RALGPS1: variants seen among roughly 807,000 people sequenced by gnomAD.
The protein encoded by RALGPS1 is Ral GEF with PH domain and SH3 binding motif 1, also known as ras-specific guanine nucleotide-releasing factor RalGPS1.
Under a neutral mutation model 78.8 loss-of-function variants are expected in RALGPS1, and 19 were observed. The ratio of observed to expected loss-of-function variants is 0.24; its 90% CI spans 0.17 to 0.35. The LOEUF (loss-of-function observed/expected upper bound fraction) is 0.35. Ranked by LOEUF, RALGPS1 falls within the 10% of genes least tolerant of loss-of-function variation. The pLI is 1.00. For synonymous variants in RALGPS1, 228 were observed against 256.3 expected (o/e 0.89, Z 1.06); for missense variants, 454 against 688.3 (o/e 0.66, Z 3.81).
chr9:127,136,473 C>A (rs921341612), intron 8 of RALGPS1, among the ~76,000 whole-genome samples: 1 of 152,226 alleles, frequency 6.6e-6, no homozygotes. Flanking sequence ...ACCACTCACT[C>A]GCTGCAGAAG....
intron 4 of RALGPS1, among the ~76,000 whole-genome samples, chr9:127,020,746 C>G (rs1305826802): frequency 6.6e-6 from 1 of 152,190 alleles, no homozygotes; most frequent in African/African-American, 2.4e-5. Flanking sequence ...GTGGGCATAG[C>G]TACCGGCCAT....
At chr9:126,945,587 A>G (rs1305838651) in intron 1 of RALGPS1, among the ~76,000 whole-genome samples, 1 of 152,144 alleles carries the variant, frequency 6.6e-6, no homozygotes, top group Non-Finnish European at 1.5e-5. Flanking sequence ...TCAAAACCCC[A>G]GCTTCAATCT....
intron 4 of RALGPS1, among the ~76,000 whole-genome samples, chr9:127,025,698 T>TG (rs1372146949): frequency 7.0e-6 from 1 of 142,274 alleles, no homozygotes; most frequent in Non-Finnish European, 1.6e-5. Flanking sequence ...TTTTCTTTCA[T>TG]TTTTTTTTTT....
At chr9:127,147,980 A>G (rs1306681593) in intron 8 of RALGPS1, among the ~76,000 whole-genome samples, 1 of 152,268 alleles carries the variant, frequency 6.6e-6, no homozygotes, top group Non-Finnish European at 1.5e-5. Context: ...CAAGTCCTTT[A>G]GAACTTACAG....
At position 127,091,625 on chromosome 9, in the gene RALGPS1, C is replaced by G. The variant is rs2052486054; in HGVS notation, c.610+22269C>G. The G allele has an allele frequency of 6.3e-7, 1 of 1,590,224 alleles. No homozygotes were observed. The highest frequency in any genetic ancestry group is 1.7e-5 in the Admixed American group (1 of 58,978). Reference sequence around the variant, plus strand: ...GTCAGGGGCTCTGGCTCTGGTTGACCTCTTTTCCCTACCCTGCACCTGGGT... The same window carrying G: ...GTCAGGGGCTCTGGCTCTGGTTGACGTCTTTTCCCTACCCTGCACCTGGGT... On this transcript the variant is annotated intron_variant, in intron 8 of 18. Transcript: ENST00000259351. This position sits in a 1 kb window ranked among gnomAD's most constrained non-coding sequence, Gnocchi z 4.3.
intron 8 of RALGPS1, among the ~76,000 whole-genome samples, chr9:127,139,850 T>C (rs2057649552): frequency 6.6e-6 from 1 of 152,254 alleles, no homozygotes; most frequent in African/African-American, 2.4e-5. Flanking sequence ...TTGAAGTCTA[T>C]TTTATTCATA....
intron 18 of RALGPS1, chr9:127,217,146 T>C: frequency 7.8e-7 from 1 of 1,287,612 alleles, no homozygotes; most frequent in Non-Finnish European, 9.8e-7. Flanking sequence ...AGCAGAGCAC[T>C]AATGGGTCAG....
chr9:127,215,406 C>T (rs955904468), intron 18 of RALGPS1, among the ~76,000 whole-genome samples: 15 of 152,248 alleles, frequency 9.9e-5, no homozygotes, highest in African/African-American at 7.2e-5. Context: ...CGCCCCCAGC[C>T]GTCCCACGAA....
intron 10 of RALGPS1, among the ~76,000 whole-genome samples, chr9:127,173,936 C>T (rs1391667014): frequency 6.6e-6 from 1 of 152,130 alleles, no homozygotes; most frequent in Non-Finnish European, 1.5e-5. Flanking sequence ...TCGCTTGAAC[C>T]TGGGAGGCAG....
intron 1 of RALGPS1, among the ~76,000 whole-genome samples, chr9:126,949,213 T>A (rs924786827): frequency 1.3e-5 from 2 of 152,228 alleles, no homozygotes; most frequent in African/African-American, 4.8e-5. Context: ...AGTCTATCAT[T>A]GTTGGACATT....
At position 127,197,961 on chromosome 9, in the gene RALGPS1, C is replaced by T. The variant is rs539708989; in HGVS notation, c.1196-1054C>T. On this transcript the variant is annotated intron_variant, in intron 13 of 18. Transcript: ENST00000259351. The stretch of plus-strand genomic sequence containing the variant: ...TGCCCTCTGGGAAATGCCGGCCCAA[C>T]AGCACTCAGCTGGGCGGCAAAACAG... Among the ~76,000 whole-genome samples the T allele has an allele frequency of 3.0e-3, 458 of 152,336 alleles. 3 individuals carry two copies. The highest frequency in any genetic ancestry group is 4.8e-3 in the Non-Finnish European group (326 of 68,038).
chr9:127,110,634 G>A (rs2054706864), intron 8 of RALGPS1, among the ~76,000 whole-genome samples: 2 of 152,120 alleles, frequency 1.3e-5, no homozygotes, highest in Non-Finnish European at 2.9e-5. Flanking sequence ...AAATGAACTC[G>A]TTTTTCCCCG....
At chr9:126,999,834 A>G (rs1223450358) in intron 4 of RALGPS1, among the ~76,000 whole-genome samples, 2 of 152,246 alleles carry the variant, frequency 1.3e-5, no homozygotes, top group South Asian at 4.1e-4. Context: ...CATTTGGGTA[A>G]ATACCAATGA....
At chr9:126,936,564 G>A (rs995181311) in intron 1 of RALGPS1, among the ~76,000 whole-genome samples, 1 of 152,064 alleles carries the variant, frequency 6.6e-6, no homozygotes, top group African/African-American at 2.4e-5. Context: ...AGAGAATTAG[G>A]CTGTCTTTGG....
chr9:126,962,840 G>A (rs1588672391), intron 2 of RALGPS1, among the ~76,000 whole-genome samples: 2 of 152,334 alleles, frequency 1.3e-5, no homozygotes, highest in African/African-American at 2.4e-5. Flanking sequence ...TGGCACAGAA[G>A]CATGCAGGAG....
chr9:127,013,630 T>TC (rs1379321291), intron 4 of RALGPS1, among the ~76,000 whole-genome samples: 10 of 152,096 alleles, frequency 6.6e-5, no homozygotes, highest in Non-Finnish European at 1.2e-4. Flanking sequence ...CCCATCCCAC[T>TC]CCGTTGCCCA....
intron 1 of RALGPS1, among the ~76,000 whole-genome samples, chr9:126,920,230 A>G (rs776472941): frequency 6.6e-6 from 1 of 152,120 alleles, no homozygotes; most frequent in Non-Finnish European, 1.5e-5. Flanking sequence ...ATTCTTATTT[A>G]TACGTCACCA....
chr9:127,024,892 G>C (rs1273403391), intron 4 of RALGPS1, among the ~76,000 whole-genome samples: 1 of 152,048 alleles, frequency 6.6e-6, no homozygotes, highest in African/African-American at 2.4e-5. Flanking sequence ...TCTATGGTTG[G>C]ACTCTTTCCT....
At position 126,966,063 on chromosome 9, in the gene RALGPS1, G is replaced by T. The variant is rs1415059432; in HGVS notation, c.165+112G>T. 1.8e-5 allele frequency: 13 copies of T among 732,570 alleles called. No individual in the cohort carries two copies. The East Asian group carries it at 3.0e-4, about 17-fold the overall frequency. 45.4% of individuals were successfully genotyped at this position (732,570 alleles called of 1,614,324 possible). On this transcript the variant is annotated intron_variant, in intron 3 of 18. Transcript: ENST00000259351. Reference sequence around the variant, plus strand: ...GAAACATTCTATATGCCCAGCAAGAGGGGAGTGTTGAGTAAAGTCCGTACC... The same window carrying T: ...GAAACATTCTATATGCCCAGCAAGATGGGAGTGTTGAGTAAAGTCCGTACC...
Sources: allele counts gnomAD v4.1 joint callset (sites outside exome capture counted in the v4.1 genomes callset), GRCh38; gene constraint gnomAD v4.1.1; non-coding constraint Gnocchi (gnomAD v3.1); transcripts MANE v1.5; gene names NCBI Gene and HGNC (gene_info 2026-07-23, HGNC 2026-07-21).